Variants in LONRF2 observed in about 807,000 individuals in gnomAD.
LONRF2 encodes the protein LON peptidase N-terminal domain and ring finger 2, also known as LON peptidase N-terminal domain and RING finger protein 2.
Under a neutral mutation model 66.6 loss-of-function variants are expected in LONRF2, and 35 were observed. The observed-to-expected ratio is 0.53, with a 90% CI of 0.40 to 0.70. LONRF2 has a LOEUF of 0.70. Ranked by LOEUF, LONRF2 falls within the 30% of genes least tolerant of loss-of-function variation. LONRF2 has a pLI of 0.00. For synonymous variants in LONRF2, 417 were observed against 418.1 expected (o/e 1.00, Z 0.03); for missense variants, 902 against 1,002.1 (o/e 0.90, Z 1.35).
chr2:100,284,570 CAACA>C, intron 11 of LONRF2, 78 bp from the exon 12 acceptor site: 2 of 1,230,038 alleles, frequency 1.6e-6, no homozygotes, highest in Admixed American at 6.9e-5. Context: ...TTTGCTCCAC[CAACA>C]GACACGTGAG....
intron 7 of LONRF2, among the ~76,000 whole-genome samples, chr2:100,297,768 GA>G (rs1335993023): frequency 6.6e-6 from 1 of 152,148 alleles, no homozygotes; most frequent in Non-Finnish European, 1.5e-5. Context: ...ATGTTCACGA[GA>G]ACTCTGAAGA....
Position 100,282,293 on chromosome 2 carries a change from T to C in LONRF2, c.*2005A>G, listed in dbSNP as rs1186863326. The C allele has an allele frequency of 6.6e-6, 1 of 152,176 alleles. No individual in the cohort carries two copies. Among genetic ancestry groups the C allele is most frequent in the Non-Finnish European group, 1.5e-5 (1 of 68,048 alleles). The allele number at this position is 152,176 out of a possible 1,614,324, so 9.4% of individuals were successfully genotyped here. ...AAGAGAAAGCAACAGGTTCCAAGTA[T>C]TATAGCAAGCATACCAGCTTTACTT... On this transcript the variant is annotated 3_prime_UTR_variant, in exon 12 of 12. Transcript: ENST00000393437.
rs1674757354 is a variant in LONRF2 at position 100,282,355 on chromosome 2, G to C, written c.*1943C>G. The C allele has an allele frequency of 6.6e-6, 1 of 152,174 alleles. No homozygotes were observed. Among genetic ancestry groups the C allele is most frequent in the Admixed American group, 6.5e-5 (1 of 15,280 alleles). The allele number at this position is 152,174 out of a possible 1,614,324, so 9.4% of individuals were successfully genotyped here. A position where few individuals can be genotyped will look rare whatever the true frequency, so the allele number is the denominator to read the frequency against. On this transcript the variant is annotated 3_prime_UTR_variant, in exon 12 of 12. Coordinates refer to ENST00000393437, the MANE Select transcript of LONRF2 (RefSeq NM_198461.4). ...GTGGAGAAGCTGTGATCACATTGTG[G>C]TTATTTAGATACTTCCAAATGGAAA... is the stretch of plus-strand genomic sequence containing the variant.
intron 1 of LONRF2, among the ~76,000 whole-genome samples, chr2:100,313,978 A>G (rs1159628435): frequency 6.6e-6 from 1 of 152,120 alleles, no homozygotes; most frequent in Non-Finnish European, 1.5e-5. Flanking sequence ...ACACTGTATG[A>G]CTTGATTTAT....
intron 9 of LONRF2, 52 bp downstream of exon 9, chr2:100,294,177 C>G (rs1244166084): frequency 6.3e-7 from 1 of 1,583,270 alleles, no homozygotes; most frequent in South Asian, 1.2e-5. Context: ...AGAAAAATGA[C>G]AAACGATGCC....
intron 4 of LONRF2, among the ~76,000 whole-genome samples, chr2:100,300,246 T>G (rs1396002807): frequency 1.1e-5 from 1 of 90,524 alleles, no homozygotes; most frequent in African/African-American, 4.2e-5. Flanking sequence ...ATCATCCCTT[T>G]GCTTTATTTT....
chr2:100,288,540 T>C (rs576516652), intron 10 of LONRF2, among the ~76,000 whole-genome samples: 74 of 152,332 alleles, frequency 4.9e-4, no homozygotes, highest in African/African-American at 1.7e-3. Flanking sequence ...CTCAAAGAGT[T>C]TTCTCAACTG....
intron 4 of LONRF2, 134 bp downstream of exon 4, chr2:100,300,510 G>T: frequency 1.3e-6 from 1 of 790,748 alleles, no homozygotes; most frequent in Non-Finnish European, 1.9e-6. Context: ...AGGTTGAGGA[G>T]CTACAACTGG....
chr2:100,306,894 CT>C (rs34961905), intron 2 of LONRF2, among the ~76,000 whole-genome samples: 66,795 of 136,808 alleles, frequency 0.49, 16,282 homozygotes, highest in East Asian at 0.76. Context: ...CTTAAACTTA[CT>C]TTTTTTTTTT....
intron 9 of LONRF2, 103 bp from the exon 10 acceptor site, chr2:100,290,523 A>T: frequency 2.5e-6 from 3 of 1,193,956 alleles, no homozygotes; most frequent in Non-Finnish European, 3.5e-6. Context: ...AAAGCCACAC[A>T]AAACAGTGTC....
chr2:100,306,669 G>A (rs1675297195), intron 2 of LONRF2, among the ~76,000 whole-genome samples: 1 of 152,110 alleles, frequency 6.6e-6, no homozygotes, highest in African/African-American at 2.4e-5. Context: ...TTGCTTGAGT[G>A]AGACACACTG....
At chr2:100,286,718 G>C (rs952998234) in intron 11 of LONRF2, among the ~76,000 whole-genome samples, 196 bp downstream of exon 11, 2 of 152,218 alleles carry the variant, frequency 1.3e-5, no homozygotes, top group Non-Finnish European at 2.9e-5. Context: ...TTCTGTTAGA[G>C]AGCCTTTGTT....
At chr2:100,285,852 T>G (rs1220476326) in intron 11 of LONRF2, among the ~76,000 whole-genome samples, 1 of 152,212 alleles carries the variant, frequency 6.6e-6, no homozygotes, top group African/African-American at 2.4e-5. Context: ...ACATATGTGT[T>G]GTTTTAAGCC....
rs117209261 is a variant in LONRF2, at chr2:100,294,805, C to T, written c.1599-418G>A. Among the ~76,000 whole-genome samples, 18 of 152,200 alleles carry T rather than the reference C, an allele frequency of 1.2e-4. 1 individual carries two copies. In the East Asian group the frequency reaches 2.9e-3, roughly 24 times the overall value. On this transcript the variant is annotated intron_variant, in intron 8 of 11. Transcript: ENST00000393437. ...GAAAACTGTCAAGCCTGCTGTGATT[C>T]GCAATCCTGGGTATTAGTTCTCATT...
In LONRF2 at chr2:100,305,710, C is replaced by G. The variant is rs76158720; in HGVS notation, c.799-2667G>C. Among the ~76,000 whole-genome samples, 1,349 of 152,292 alleles carry G rather than the reference C, an allele frequency of 8.9e-3. 20 individuals are homozygous for G. Among genetic ancestry groups the G allele is most frequent in the East Asian group, 0.046 (241 of 5,186 alleles). On this transcript the variant is annotated intron_variant, in intron 2 of 11. Transcript: ENST00000393437. ...TTCATCCCTGAGCTCCCTGAAGTCT[C>G]AAATACACTTCAGACAATCAGTGAT...
chr2:100,292,118 T>C (rs1224546949), intron 9 of LONRF2, among the ~76,000 whole-genome samples: 2 of 152,142 alleles, frequency 1.3e-5, no homozygotes, highest in African/African-American at 4.8e-5. Flanking sequence ...TTAATAAAAC[T>C]CTCTCTTCCT....
intron 8 of LONRF2, 120 bp downstream of exon 8, chr2:100,295,312 T>C: frequency 2.4e-6 from 2 of 843,014 alleles, no homozygotes; most frequent in Non-Finnish European, 3.4e-6. Context: ...GCAATTAACA[T>C]CCTTTTCCAT....
At chr2:100,297,698 A>G (rs1252171902) in intron 7 of LONRF2, among the ~76,000 whole-genome samples, 1 of 152,216 alleles carries the variant, frequency 6.6e-6, no homozygotes, top group African/African-American at 2.4e-5. Flanking sequence ...CCAAGGAAAC[A>G]GCTCTGCAGA....
At chr2:100,303,251 C>T (rs1675224000) in intron 2 of LONRF2, among the ~76,000 whole-genome samples, 1 of 152,224 alleles carries the variant, frequency 6.6e-6, no homozygotes. Context: ...ATACAATCTA[C>T]AGTCAGAACA....
Sources: allele counts gnomAD v4.1 joint callset (sites outside exome capture counted in the v4.1 genomes callset), GRCh38; gene constraint gnomAD v4.1.1; transcripts MANE v1.5; gene names NCBI Gene and HGNC (gene_info 2026-07-23, HGNC 2026-07-21).